The following DLD variants were observed in gnomAD, a reference collection of about 807,000 sequenced individuals.
The protein encoded by DLD is dihydrolipoyl dehydrogenase, mitochondrial.
DLD carries 36 observed loss-of-function variants against 62.2 expected under a neutral mutation model. The observed-to-expected ratio is 0.58, with a 90% CI of 0.44 to 0.76. The LOEUF is 0.76. Among genes scored for constraint, DLD ranks in the 30% least tolerant of loss-of-function variants. The probability of loss-of-function intolerance (pLI) is 0.00; values close to 1 mark genes in which losing one functional copy is unlikely to be tolerated. For synonymous variants in DLD, 204 were observed against 199.6 expected, an observed-to-expected ratio of 1.02 and a Z score of -0.19; for missense variants, 541 against 608.6, an observed-to-expected ratio of 0.89 and a Z score of 1.17.
rs754030261 is a variant in DLD at position 107,919,094 on chromosome 7, C to T, written c.1459C>T (p.His487Tyr). The change falls in exon 13 of 14, where the codon CAT becomes TAT. Residue 487 changes from histidine (H) to tyrosine (Y), a missense_variant. Transcript: ENST00000205402. ...CEDIARVCHA[H>Y]PTLSEAFREA... ...AGATATAGCTAGAGTCTGTCATGCA[C>T]ATCCGGTAATTATTAACAACATATA... The T allele has an allele frequency of 1.2e-6, 2 of 1,613,548 alleles. No individual in the cohort carries two copies. Among genetic ancestry groups the T allele is most frequent in the Admixed American group, 1.7e-5 (1 of 60,008 alleles).
rs894159358 is a variant in DLD, at chr7:107,918,888, A to G, written c.1375-122A>G. 9.6e-6 allele frequency: 8 copies of G among 833,358 alleles called. No homozygotes were observed. The African/African-American group carries it at 1.0e-4, about 11-fold the overall frequency. The allele number at this position is 833,358 out of a possible 1,614,324, so 51.6% of individuals were successfully genotyped here. A position where few individuals can be genotyped will look rare whatever the true frequency, so the allele number is the denominator to read the frequency against. ...TTAAGCTTTTCCTGACTTTTCTTCA[A>G]CTGATAAAGAAACAGATTTAAGGCG... On this transcript the variant is annotated intron_variant, in intron 12 of 13. Coordinates refer to ENST00000205402, the MANE Select transcript of DLD (RefSeq NM_000108.5).
Position 107,917,412 on chromosome 7 carries a change from C to T in DLD, c.1186C>T (p.His396Tyr), listed in dbSNP as rs1331406985. 2.5e-6 allele frequency: 4 copies of T among 1,614,058 alleles called. No individual in the cohort carries two copies. The highest frequency in any genetic ancestry group is 2.7e-5 in the African/African-American group (2 of 74,936). Residue 396 changes from histidine (H) to tyrosine (Y), a missense_variant, in exon 11 of 14, where the codon CAC becomes TAC. Coordinates refer to ENST00000205402, the MANE Select transcript of DLD (RefSeq NM_000108.5). ...TTGTGTGCCATCAGTGATTTACACA[C>T]ACCCTGAAGTTGCTTGGGTTGGCAA... ...YNCVPSVIYTHPEVAWVGKSE... is the reference protein window; with the variant it reads ...YNCVPSVIYTYPEVAWVGKSE...
chr7:107,918,419 G>A (rs1720270889), intron 12 of DLD, among the ~76,000 whole-genome samples: 1 of 152,078 alleles, frequency 6.6e-6, no homozygotes, highest in African/African-American at 2.4e-5. Flanking sequence ...ACTCATTAAT[G>A]CCATGTCACA....
chr7:107,891,197 G>C lies in DLD; in HGVS notation c.-54G>C, dbSNP rs992583751. 3 of 1,609,398 alleles carry C rather than the reference G, an allele frequency of 1.9e-6. No individual in the cohort carries two copies. The highest frequency in any genetic ancestry group is 2.7e-5 in the African/African-American group (2 of 74,888). On this transcript the variant is annotated 5_prime_UTR_variant, in exon 1 of 14. Coordinates refer to ENST00000205402, the MANE Select transcript of DLD (RefSeq NM_000108.5). ...GGAGGGGAGACCTTGGCGGAGCGGC[G>C]GAGGCGCCCAGCGGAGGTGAAAGTA...
chr7:107,917,900 A>G (rs760171555), intron 11 of DLD, 24 bp from the exon 12 acceptor site: 5 of 1,613,738 alleles, frequency 3.1e-6, no homozygotes, highest in Non-Finnish European at 3.4e-6. Flanking sequence ...AGTTACGTAG[A>G]TTCTTTTTTT....
At chr7:107,914,320 A>G (rs963094637) in intron 8 of DLD, among the ~76,000 whole-genome samples, 14 of 152,116 alleles carry the variant, frequency 9.2e-5, no homozygotes, top group Admixed American at 9.2e-4. Context: ...TTTTTTCCCC[A>G]GTCTGTGGCT....
At position 107,916,814 on chromosome 7, in the gene DLD, G is replaced by T. The variant is rs1216618128; in HGVS notation, c.896G>T (p.Gly299Val). ...IDVSIEAASG[G>V]KAEVITCDVL... ...TCTAGTATTGAAGCTGCTTCTGGTGGTAAAGCTGAAGTTATCACTTGTGAT... is the reference window on the plus strand; with the variant it reads ...TCTAGTATTGAAGCTGCTTCTGGTGTTAAAGCTGAAGTTATCACTTGTGAT... Residue 299 changes from glycine (G) to valine (V), a missense_variant, in exon 10 of 14, where the codon GGT becomes GTT. Coordinates refer to ENST00000205402, the MANE Select transcript of DLD (RefSeq NM_000108.5). 2.5e-6 allele frequency: 4 copies of T among 1,613,018 alleles called. No homozygotes were observed. Among genetic ancestry groups the T allele is most frequent in the Non-Finnish European group, 3.4e-6 (4 of 1,179,832 alleles).
chr7:107,901,333 T>A (rs2031870286), intron 2 of DLD, among the ~76,000 whole-genome samples: 1 of 152,176 alleles, frequency 6.6e-6, no homozygotes. Context: ...AACTACTCAT[T>A]GGCCGTGCTG....
In DLD at chr7:107,920,837, A is replaced by G. The variant is rs1338784881; in HGVS notation, c.*1578A>G. ...ACTTCCCTCTACTTTCCACTTGTTTATAGTTGTTTCCAGTGCCTTTAGTTT... is the reference window on the plus strand; with the variant it reads ...ACTTCCCTCTACTTTCCACTTGTTTGTAGTTGTTTCCAGTGCCTTTAGTTT... On this transcript the variant is annotated 3_prime_UTR_variant, in exon 14 of 14. Coordinates refer to ENST00000205402, the MANE Select transcript of DLD (RefSeq NM_000108.5). 3 of 152,218 alleles carry G rather than the reference A, an allele frequency of 2.0e-5. No homozygotes were observed. Among genetic ancestry groups the G allele is most frequent in the African/African-American group, 4.8e-5 (2 of 41,458 alleles). 9.4% of individuals were successfully genotyped at this position (152,218 alleles called of 1,614,324 possible). A position where few individuals can be genotyped will look rare whatever the true frequency, so the allele number is the denominator to read the frequency against.
chr7:107,908,153 CTT>C (rs71134291), intron 8 of DLD, among the ~76,000 whole-genome samples: 17 of 137,264 alleles, frequency 1.2e-4, no homozygotes, highest in Admixed American at 1.5e-4. Context: ...TTTTGTTTTT[CTT>C]TTTTTTTTTT....
At chr7:107,918,930 G>A (rs902982204) in intron 12 of DLD, 80 bp from the exon 13 acceptor site, 34 of 1,166,682 alleles carry the variant, frequency 2.9e-5, no homozygotes, top group Non-Finnish European at 2.2e-5. Context: ...AGATCTAAAA[G>A]CTTCCCCTCA....
intron 8 of DLD, among the ~76,000 whole-genome samples, chr7:107,910,319 C>G (rs1298742144): frequency 6.6e-6 from 1 of 152,152 alleles, no homozygotes; most frequent in Non-Finnish European, 1.5e-5. Flanking sequence ...TATCTCGAAG[C>G]AATAATTCTA....
At position 107,902,352 on chromosome 7, in the gene DLD, C is replaced by T. The variant is rs967089304; in HGVS notation, c.226C>T (p.Leu76Phe). 5.2e-5 allele frequency: 84 copies of T among 1,613,684 alleles called. No homozygotes were observed. The highest frequency in any genetic ancestry group is 6.9e-5 in the Non-Finnish European group (81 of 1,179,852). The change falls in exon 4 of 14, where the codon CTT becomes TTT. Residue 76 changes from leucine to phenylalanine, a missense_variant. Physicochemically the swap from Leu to Phe is conservative, Grantham distance 22 (BLOSUM62 0). Transcript: ENST00000205402. ...KTVCIEKNETLGGTCLNVGCI... is the reference protein window; with the variant it reads ...KTVCIEKNETFGGTCLNVGCI... Reference sequence around the variant, plus strand: ...AGTCTGCATTGAGAAAAATGAAACACTTGGTGGAACATGCTTGAATGTTGG... The same window carrying T: ...AGTCTGCATTGAGAAAAATGAAACATTTGGTGGAACATGCTTGAATGTTGG...
chr7:107,892,551 A>G (rs1256979136), intron 1 of DLD, among the ~76,000 whole-genome samples: 2 of 151,796 alleles, frequency 1.3e-5, no homozygotes, highest in Non-Finnish European at 2.9e-5. Context: ...TTATTTATTT[A>G]TTTATTTATT....
chr7:107,917,343 T>A lies in DLD; in HGVS notation c.1117T>A (p.Cys373Ser). 1 of 1,614,182 alleles carries A rather than the reference T, an allele frequency of 6.2e-7. No homozygotes were observed. The highest frequency in any genetic ancestry group is 8.5e-7 in the Non-Finnish European group (1 of 1,180,024). ...AHKAEDEGII[C>S]VEGMAGGAVH... ...CAAAGCAGAGGATGAAGGCATTATC[T>A]GTGTTGAAGGAATGGCTGGTGGTGC... The change falls in exon 11 of 14, where the codon TGT becomes AGT. Residue 373 changes from cysteine to serine, a missense_variant. Physicochemically the swap from Cys to Ser is moderately radical, Grantham distance 112. Coordinates refer to ENST00000205402, the MANE Select transcript of DLD (RefSeq NM_000108.5).
At chr7:107,914,305 G>T (rs1011923280) in intron 8 of DLD, among the ~76,000 whole-genome samples, 1 of 151,944 alleles carries the variant, frequency 6.6e-6, no homozygotes, top group Non-Finnish European at 1.5e-5. Flanking sequence ...TAGAAGTTTT[G>T]TAATTTTTTT....
chr7:107,913,638 T>A (rs2032196132), intron 8 of DLD, among the ~76,000 whole-genome samples: 1 of 152,134 alleles, frequency 6.6e-6, no homozygotes, highest in South Asian at 2.1e-4. Flanking sequence ...TGGTGGAGTC[T>A]TTAGGTTTTT....
chr7:107,891,565 G>A, intron 1 of DLD: 1 of 583,836 alleles, frequency 1.7e-6, no homozygotes, highest in Non-Finnish European at 3.1e-6. Flanking sequence ...CCCCAAGCCT[G>A]GGCCGAGGGC....
At chr7:107,904,561 G>T in intron 5 of DLD, 1 of 388,324 alleles carries the variant, frequency 2.6e-6, no homozygotes, top group Admixed American at 3.5e-5. Flanking sequence ...ATTTTTAAAC[G>T]TGTATTTTTT....
Sources: gnomAD v4.1 joint callset for allele counts (sites outside exome capture counted in the v4.1 genomes callset) on GRCh38, gnomAD v4.1.1 for gene constraint, MANE v1.5 for transcripts, NCBI Gene and HGNC (gene_info 2026-07-23, HGNC 2026-07-21) for gene names.